NFIA: variants seen among roughly 807,000 people sequenced by gnomAD.
NFIA encodes the protein nuclear factor 1 A-type.
NFIA carries 8 observed loss-of-function variants against 62.8 expected under a neutral mutation model. That is an observed-to-expected ratio of 0.13 (90% confidence interval 0.07 to 0.23). The LOEUF (loss-of-function observed/expected upper bound fraction) is 0.23, where lower values mean the gene tolerates loss of function less well. Among genes scored for constraint, NFIA ranks in the 10% least tolerant of loss-of-function variants. The pLI is 1.00. For synonymous variants in NFIA, 235 were observed against 238.1 expected, an observed-to-expected ratio of 0.99 and a Z score of 0.12; for missense variants, 410 against 642.1, an observed-to-expected ratio of 0.64 and a Z score of 3.91.
chr1:61,108,176 A>C (rs1458191353), intron 2 of NFIA, among the ~76,000 whole-genome samples: 1 of 151,674 alleles, frequency 6.6e-6, no homozygotes, highest in Admixed American at 6.6e-5. Flanking sequence ...TTTGTGAAAC[A>C]TCCTATTGGG....
chr1:61,320,827 C>A (rs1024306901), intron 3 of NFIA, among the ~76,000 whole-genome samples: 81 of 152,120 alleles, frequency 5.3e-4, no homozygotes, highest in African/African-American at 1.9e-3. Flanking sequence ...CCAGGGTAGC[C>A]CTCAGGTGAT....
chr1:61,092,468 C>T (rs1646337608), intron 2 of NFIA, among the ~76,000 whole-genome samples: 1 of 152,102 alleles, frequency 6.6e-6, no homozygotes, highest in Admixed American at 6.6e-5. Flanking sequence ...CTTAATTTTG[C>T]TTGCATCAGG....
chr1:61,160,481 A>C (rs537986955), intron 2 of NFIA, among the ~76,000 whole-genome samples: 1 of 152,334 alleles, frequency 6.6e-6, no homozygotes, highest in South Asian at 2.1e-4. Context: ...AGGTTCAGCC[A>C]ACAGAGAGCC....
chr1:61,129,594 T>C (rs1189824807), intron 2 of NFIA, among the ~76,000 whole-genome samples: 1 of 151,438 alleles, frequency 6.6e-6, no homozygotes, highest in East Asian at 1.9e-4. Context: ...GGATTATAGG[T>C]GCACGCCACC....
chr1:61,290,561 C>T (rs866566556), intron 3 of NFIA, among the ~76,000 whole-genome samples: 8 of 152,210 alleles, frequency 5.3e-5, no homozygotes, highest in Non-Finnish European at 1.0e-4. Context: ...ATGCTACCCA[C>T]ACTGAAAGCT....
intron 10 of NFIA, among the ~76,000 whole-genome samples, chr1:61,432,166 C>T (rs375922569): frequency 2.8e-3 from 418 of 151,710 alleles, no homozygotes; most frequent in Middle Eastern, 0.021. Flanking sequence ...TTTTTCTGTC[C>T]TTGTCCTTGT....
chr1:61,431,116 G>C (rs1410113008), intron 10 of NFIA, among the ~76,000 whole-genome samples: 1 of 152,142 alleles, frequency 6.6e-6, no homozygotes, highest in Non-Finnish European at 1.5e-5. Flanking sequence ...ATAATGTAAT[G>C]ATAGGGAACC....
At chr1:61,158,398 A>G (rs1049103732) in intron 2 of NFIA, among the ~76,000 whole-genome samples, 1 of 152,208 alleles carries the variant, frequency 6.6e-6, no homozygotes, top group Admixed American at 6.5e-5. Flanking sequence ...ACCCTGATTT[A>G]CTAATCATGC....
At chr1:61,452,031 A>G (rs1668079765) in intron 10 of NFIA, among the ~76,000 whole-genome samples, 2 of 152,210 alleles carry the variant, frequency 1.3e-5, no homozygotes, top group Non-Finnish European at 2.9e-5. Flanking sequence ...TCTTCAATTA[A>G]TGTTCTAAAA....
chr1:61,383,869 G>A (rs1042050848), intron 7 of NFIA, among the ~76,000 whole-genome samples: 4 of 152,194 alleles, frequency 2.6e-5, no homozygotes, highest in South Asian at 2.1e-4. Flanking sequence ...TTGCATCAGG[G>A]TGTTGACGAG....
At position 61,148,937 on chromosome 1, in the gene NFIA, A is replaced by C. The variant is rs556367410; in HGVS notation, c.559+60257A>C. 1.8e-3 allele frequency among the ~76,000 whole-genome samples: 271 copies of C among 152,284 alleles called. 1 individual carries two copies. Among genetic ancestry groups the C allele is most frequent in the Middle Eastern group, 0.01 (3 of 294 alleles). On this transcript the variant is annotated intron_variant, in intron 2 of 10. Transcript: ENST00000403491. Reference sequence around the variant, plus strand: ...ACCCAGGCTGGAGTGCAATGGCACGATCCTAGCTCACTACAGCCTCGAACT... The same window carrying C: ...ACCCAGGCTGGAGTGCAATGGCACGCTCCTAGCTCACTACAGCCTCGAACT...
intron 5 of NFIA, among the ~76,000 whole-genome samples, chr1:61,357,792 C>A (rs6697913): frequency 0.82 from 125,324 of 152,024 alleles, 51,757 homozygotes; most frequent in East Asian, 0.95. Context: ...CATACGAAAA[C>A]TTCTGTCCCC....
At chr1:61,453,442 A>AGTT (rs1557451690) in intron 10 of NFIA, among the ~76,000 whole-genome samples, 8 of 132,468 alleles carry the variant, frequency 6.0e-5, no homozygotes, top group African/African-American at 2.3e-4. Context: ...GTGTGAAGAA[A>AGTT]CTTTTTTTTT....
chr1:61,262,567 G>A (rs1288553609), intron 2 of NFIA, among the ~76,000 whole-genome samples: 1 of 152,014 alleles, frequency 6.6e-6, no homozygotes, highest in Non-Finnish European at 1.5e-5. Flanking sequence ...GAGCATGAGT[G>A]TAGTCAAGAC....
At chr1:61,221,890 A>G (rs2100618300) in intron 2 of NFIA, among the ~76,000 whole-genome samples, 1 of 152,252 alleles carries the variant, frequency 6.6e-6, no homozygotes. Flanking sequence ...AAAGGCAGAT[A>G]ATGATTCGGT....
chr1:61,318,821 T>C (rs1229303468), intron 3 of NFIA, among the ~76,000 whole-genome samples: 1 of 152,152 alleles, frequency 6.6e-6, no homozygotes, highest in Non-Finnish European at 1.5e-5. Flanking sequence ...TTTGCCCGAC[T>C]CAAGGTATTT....
At chr1:61,221,209 T>G (rs949463394) in intron 2 of NFIA, among the ~76,000 whole-genome samples, 1 of 151,882 alleles carries the variant, frequency 6.6e-6, no homozygotes, top group African/African-American at 2.4e-5. Context: ...AGTGTATGTA[T>G]AAAAATTACA....
chr1:61,232,670 A>G (rs1275330078), intron 2 of NFIA, among the ~76,000 whole-genome samples: 2 of 152,152 alleles, frequency 1.3e-5, no homozygotes, highest in African/African-American at 2.4e-5. Flanking sequence ...ATGCACAGAG[A>G]TTTTTTTAAA....
At chr1:61,230,504 C>T (rs1210634075) in intron 2 of NFIA, among the ~76,000 whole-genome samples, 1 of 152,124 alleles carries the variant, frequency 6.6e-6, no homozygotes, top group Non-Finnish European at 1.5e-5. Flanking sequence ...CAAATTAATT[C>T]CTATCCTACC....
Sources: allele counts gnomAD v4.1 joint callset (sites outside exome capture counted in the v4.1 genomes callset), GRCh38; gene constraint gnomAD v4.1.1; transcripts MANE v1.5; gene names NCBI Gene and HGNC (gene_info 2026-07-23, HGNC 2026-07-21).